The following LTBP1 variants were observed in gnomAD, a reference collection of about 807,000 sequenced individuals.
LTBP1 encodes latent transforming growth factor beta binding protein 1.
A neutral mutation model predicts 207.6 loss-of-function variants in LTBP1; 129 were observed. The ratio of observed to expected loss-of-function variants is 0.62; its 90% CI spans 0.54 to 0.72. The LOEUF (loss-of-function observed/expected upper bound fraction) is 0.72. Ranked by LOEUF, LTBP1 falls within the 30% of genes least tolerant of loss-of-function variation. LTBP1 has a pLI of 0.00. For synonymous variants in LTBP1, 963 were observed against 833.7 expected, an observed-to-expected ratio of 1.16 and a Z score of -2.67; for missense variants, 2,281 against 2,217.2, an observed-to-expected ratio of 1.03 and a Z score of -0.58.
chr2:33,191,956 A>G (rs1264462383), intron 7 of LTBP1, among the ~76,000 whole-genome samples: 1 of 152,242 alleles, frequency 6.6e-6, no homozygotes, highest in Non-Finnish European at 1.5e-5. Flanking sequence ...ACCAAGATGA[A>G]CTGTGATCAA....
At chr2:33,253,694 C>A (rs2092746077) in intron 11 of LTBP1, among the ~76,000 whole-genome samples, 1 of 152,118 alleles carries the variant, frequency 6.6e-6, no homozygotes, top group Admixed American at 6.5e-5. Flanking sequence ...CTGTAACTTA[C>A]ACCATAGCAG....
chr2:33,076,222 T>C (rs2078072524), intron 3 of LTBP1, among the ~76,000 whole-genome samples: 1 of 151,982 alleles, frequency 6.6e-6, no homozygotes, highest in South Asian at 2.1e-4. Context: ...TCATAGGAGG[T>C]TTAGTATTTA....
chr2:33,236,499 G>A (rs868033276), intron 9 of LTBP1, among the ~76,000 whole-genome samples: 85 of 152,290 alleles, frequency 5.6e-4, no homozygotes, highest in African/African-American at 1.9e-3. Context: ...ACCCATTCCT[G>A]TGCATTTTAG....
At chr2:32,977,445 G>A (rs79599302) in intron 2 of LTBP1, among the ~76,000 whole-genome samples, 4,781 of 152,268 alleles carry the variant, frequency 0.031, 245 homozygotes, top group African/African-American at 0.11. Flanking sequence ...TATCAAGGGC[G>A]GGGTGAGGGC....
At chr2:33,290,177 C>T (rs1010350980) in intron 19 of LTBP1, among the ~76,000 whole-genome samples, 13 of 152,202 alleles carry the variant, frequency 8.5e-5, no homozygotes, top group African/African-American at 2.4e-4. Flanking sequence ...TTCATTCCCA[C>T]GAGAACTAAC....
chr2:33,279,511 G>GT (rs11363257), intron 18 of LTBP1, among the ~76,000 whole-genome samples: 2,447 of 149,008 alleles, frequency 0.016, 60 homozygotes, highest in African/African-American at 0.052. Flanking sequence ...CTCTCCTCAT[G>GT]TTTTTTTTTT....
chr2:33,121,738 G>A (rs1412008031), intron 4 of LTBP1, among the ~76,000 whole-genome samples: 6 of 152,142 alleles, frequency 3.9e-5, no homozygotes, highest in Admixed American at 1.3e-4. Context: ...GCCTTTATTC[G>A]TCAGTCAAAA....
chr2:33,093,722 A>G (rs1207279122), intron 3 of LTBP1, among the ~76,000 whole-genome samples: 1 of 152,144 alleles, frequency 6.6e-6, no homozygotes, highest in Non-Finnish European at 1.5e-5. Context: ...GCAAAGAGAA[A>G]TCATAATTGT....
chr2:33,388,918 C>G (rs977722941), intron 31 of LTBP1, among the ~76,000 whole-genome samples: 1 of 152,184 alleles, frequency 6.6e-6, no homozygotes, highest in Non-Finnish European at 1.5e-5. Flanking sequence ...CTTTACTGCT[C>G]TGGGATGTGG....
intron 3 of LTBP1, among the ~76,000 whole-genome samples, chr2:33,072,697 G>A (rs2077854453): frequency 6.6e-6 from 1 of 152,154 alleles, no homozygotes; most frequent in Non-Finnish European, 1.5e-5. Flanking sequence ...AGGACTATGG[G>A]AGTTACGAGC....
intron 11 of LTBP1, among the ~76,000 whole-genome samples, chr2:33,254,083 C>T (rs761693102): frequency 1.3e-5 from 2 of 151,730 alleles, no homozygotes; most frequent in African/African-American, 4.8e-5. Flanking sequence ...TTAGTAGAGA[C>T]GGAGTTTGAC....
chr2:33,214,075 G>C (rs1049668919), intron 7 of LTBP1, among the ~76,000 whole-genome samples: 1 of 152,232 alleles, frequency 6.6e-6, no homozygotes, highest in Non-Finnish European at 1.5e-5. Flanking sequence ...ATCAGCAAGT[G>C]TTGAGTGTTT....
chr2:33,173,149 A>G (rs1572972581), intron 5 of LTBP1, among the ~76,000 whole-genome samples: 2 of 152,340 alleles, frequency 1.3e-5, no homozygotes, highest in South Asian at 4.1e-4. Flanking sequence ...AGAAATAACT[A>G]AAATCAGAGC....
intron 24 of LTBP1, among the ~76,000 whole-genome samples, chr2:33,328,204 T>A (rs2094453066): frequency 7.0e-6 from 1 of 143,504 alleles, no homozygotes; most frequent in South Asian, 2.2e-4. Flanking sequence ...AGTGCCTAAA[T>A]CATAAGGCCA....
chr2:33,066,533 G>A (rs1380355730), intron 3 of LTBP1, among the ~76,000 whole-genome samples: 3 of 152,128 alleles, frequency 2.0e-5, no homozygotes, highest in East Asian at 1.9e-4. Flanking sequence ...ACTTTAAAAG[G>A]CATAGTGGAG....
In LTBP1 at chr2:33,350,546, C is replaced by T. The variant is rs546930739; in HGVS notation, c.4000+3036C>T. ...GATGAACCTTTAAGGTACTTTGGAA[C>T]TCTAATGTCCTAGGGTTTTTATTTC... is the stretch of plus-strand genomic sequence containing the variant. On this transcript the variant is annotated intron_variant, in intron 26 of 33. Coordinates refer to ENST00000404816, the MANE Select transcript of LTBP1 (RefSeq NM_206943.4). 9.8e-5 allele frequency among the ~76,000 whole-genome samples: 15 copies of T among 152,322 alleles called. No individual in the cohort carries two copies. The East Asian group carries it at 1.7e-3, about 18-fold the overall frequency.
intron 11 of LTBP1, among the ~76,000 whole-genome samples, chr2:33,256,038 A>G (rs1298538090): frequency 1.3e-5 from 2 of 150,612 alleles, no homozygotes; most frequent in African/African-American, 4.9e-5. Context: ...CATGGGGATT[A>G]TGCCGTGGAG....
chr2:33,034,954 G>A (rs146497780), intron 3 of LTBP1, among the ~76,000 whole-genome samples: 2 of 152,238 alleles, frequency 1.3e-5, no homozygotes, highest in East Asian at 1.9e-4. Context: ...TTTTTATACC[G>A]CAGAATGCCA....
rs184505717 is a variant in LTBP1 at position 33,197,140 on chromosome 2, A to G, written c.1701+8289A>G. ...GGTGTTTATGTGAATTAGGCTGTCT[A>G]TATAGGCAGTCTCTATAGGCATCAC... is the stretch of plus-strand genomic sequence containing the variant. On this transcript the variant is annotated intron_variant, in intron 7 of 33. Coordinates refer to ENST00000404816, the MANE Select transcript of LTBP1 (RefSeq NM_206943.4). 4.6e-5 allele frequency among the ~76,000 whole-genome samples: 7 copies of G among 152,342 alleles called. No individual in the cohort carries two copies. The East Asian group carries it at 7.7e-4, about 17-fold the overall frequency.
Sources: gnomAD v4.1 joint callset for allele counts (sites outside exome capture counted in the v4.1 genomes callset) on GRCh38, gnomAD v4.1.1 for gene constraint, MANE v1.5 for transcripts, NCBI Gene and HGNC (gene_info 2026-07-23, HGNC 2026-07-21) for gene names.